The following PLCG2 variants were observed in gnomAD, a reference collection of about 807,000 sequenced individuals.
The protein encoded by PLCG2 is phospholipase C gamma 2, also known as 1-phosphatidylinositol 4,5-bisphosphate phosphodiesterase gamma-2.
In PLCG2, 69 loss-of-function variants were observed where a neutral mutation model predicts 175.6. That is an observed-to-expected ratio of 0.39 (90% confidence interval 0.32 to 0.48). The LOEUF (loss-of-function observed/expected upper bound fraction) is 0.48, where lower values mean the gene tolerates loss of function less well. Ranked by LOEUF, PLCG2 falls within the 20% of genes least tolerant of loss-of-function variation. The pLI is 0.91. For missense variants in PLCG2, 1,798 were observed against 1,650.9 expected (o/e 1.09, Z -1.54); for synonymous variants, 827 against 624.0 (o/e 1.33, Z -4.85).
At chr16:81,769,771 G>A (rs1306618074) in intron 2 of PLCG2, among the ~76,000 whole-genome samples, 3 of 134,282 alleles carry the variant, frequency 2.2e-5, no homozygotes, top group African/African-American at 8.6e-5. Flanking sequence ...AGTGAGCCGA[G>A]ATCCCGCCAC....
At chr16:81,787,535 C>CTT (rs34698199) in intron 2 of PLCG2, among the ~76,000 whole-genome samples, 76 of 141,478 alleles carry the variant, frequency 5.4e-4, no homozygotes, top group African/African-American at 8.3e-4. Context: ...GCCTTGCACT[C>CTT]TTTTTTTTTT....
At position 81,807,854 on chromosome 16, in the gene PLCG2, G is replaced by A. The variant is rs553973165; in HGVS notation, c.193+21672G>A. ...AAGCAGGAGCAAGAGAGAGAGGGAG[G>A]GAGGTGCCACATACTTTTCAACAGC... On this transcript the variant is annotated intron_variant, in intron 2 of 32. Transcript: ENST00000564138. 2.6e-5 allele frequency among the ~76,000 whole-genome samples: 4 copies of A among 152,236 alleles called. No individual in the cohort carries two copies. In the South Asian group the frequency reaches 8.3e-4, roughly 32 times the overall value.
chr16:81,884,483 A>G (rs1377954979), intron 9 of PLCG2, among the ~76,000 whole-genome samples: 2 of 151,766 alleles, frequency 1.3e-5, no homozygotes, highest in Non-Finnish European at 2.9e-5. Flanking sequence ...TCATCTTACC[A>G]GCTGCACAGC....
intron 30 of PLCG2, among the ~76,000 whole-genome samples, chr16:81,941,765 C>T (rs999432497): frequency 7.3e-5 from 11 of 150,784 alleles, no homozygotes; most frequent in African/African-American, 9.8e-5. Context: ...TGGGTGATCT[C>T]GGCTCACTGT....
At chr16:81,889,120 A>G (rs945594256) in intron 9 of PLCG2, 52 bp from the exon 10 acceptor site, 13 of 1,101,428 alleles carry the variant, frequency 1.2e-5, no homozygotes, top group African/African-American at 3.1e-5. Context: ...GGAAATGAAG[A>G]ATTTTATCAG....
intron 1 of PLCG2, among the ~76,000 whole-genome samples, chr16:81,752,496 G>C (rs1909832982): frequency 6.6e-6 from 1 of 152,182 alleles, no homozygotes; most frequent in African/African-American, 2.4e-5. Flanking sequence ...GGCGGAGCAG[G>C]CCTCCAAAAA....
At chr16:81,952,978 G>C (rs11150426) in intron 31 of PLCG2, among the ~76,000 whole-genome samples, 72,148 of 152,116 alleles carry the variant, frequency 0.47, 17,479 homozygotes, top group Admixed American at 0.56. Flanking sequence ...CCTGGAATAA[G>C]GCAGGTTGAA....
At chr16:81,880,455 A>C (rs1908023370) in intron 7 of PLCG2, among the ~76,000 whole-genome samples, 1 of 152,234 alleles carries the variant, frequency 6.6e-6, no homozygotes, top group Non-Finnish European at 1.5e-5. Context: ...GACACTTAAA[A>C]ATAATACTAG....
chr16:81,865,205 C>T (rs552683578), intron 5 of PLCG2, among the ~76,000 whole-genome samples: 1 of 152,186 alleles, frequency 6.6e-6, no homozygotes, highest in South Asian at 2.1e-4. Flanking sequence ...GAGCTGGCTG[C>T]CTTGGAAGGG....
At chr16:81,889,481 T>G in intron 10 of PLCG2, 1 of 487,042 alleles carries the variant, frequency 2.1e-6, no homozygotes, top group Non-Finnish European at 3.7e-6. Flanking sequence ...GCCCAGTGGG[T>G]TCATTTTGCC....
At chr16:81,791,621 A>T (rs146987248) in intron 2 of PLCG2, among the ~76,000 whole-genome samples, 4 of 152,068 alleles carry the variant, frequency 2.6e-5, no homozygotes, top group Non-Finnish European at 4.4e-5. Flanking sequence ...CTGGAGTGCA[A>T]TGGTGCAGCC....
intron 2 of PLCG2, among the ~76,000 whole-genome samples, chr16:81,756,535 C>T (rs1909932816): frequency 1.3e-5 from 2 of 152,130 alleles, no homozygotes; most frequent in African/African-American, 4.8e-5. Flanking sequence ...TCATCTGAAA[C>T]CAGAGCTTAT....
At chr16:81,881,021 C>T in intron 8 of PLCG2, 68 bp downstream of exon 8, 1 of 1,495,118 alleles carries the variant, frequency 6.7e-7, no homozygotes, top group Non-Finnish European at 9.3e-7. Flanking sequence ...CCCAGCCGGC[C>T]TCCAGGAGGG....
intron 2 of PLCG2, among the ~76,000 whole-genome samples, chr16:81,824,080 T>C (rs183555094): frequency 6.9e-6 from 1 of 143,958 alleles, no homozygotes; most frequent in Admixed American, 7.0e-5. Flanking sequence ...TGTCCTGTCC[T>C]GTCCTGTCCT....
chr16:81,921,784 G>T (rs896883154), intron 21 of PLCG2, among the ~76,000 whole-genome samples: 2 of 152,186 alleles, frequency 1.3e-5, no homozygotes, highest in African/African-American at 4.8e-5. Flanking sequence ...CTGTTTGGGG[G>T]CCATGTGGCA....
intron 2 of PLCG2, among the ~76,000 whole-genome samples, chr16:81,829,389 G>A (rs187339504): frequency 6.4e-4 from 97 of 152,278 alleles, no homozygotes; most frequent in African/African-American, 2.3e-3. Context: ...GATTACAGGC[G>A]TGAGCCACCG....
chr16:81,800,660 T>G (rs1911678529), intron 2 of PLCG2, among the ~76,000 whole-genome samples: 1 of 152,000 alleles, frequency 6.6e-6, no homozygotes. Context: ...ATTGTGATAC[T>G]ATTGCTATTA....
At chr16:81,827,135 A>G (rs372276511) in intron 2 of PLCG2, among the ~76,000 whole-genome samples, 1 of 151,622 alleles carries the variant, frequency 6.6e-6, no homozygotes, top group African/African-American at 2.4e-5. Context: ...ATGCCCCTCA[A>G]CGGGATGTGT....
chr16:81,816,919 C>G (rs1032354436), intron 2 of PLCG2, among the ~76,000 whole-genome samples: 2 of 152,124 alleles, frequency 1.3e-5, no homozygotes, highest in Admixed American at 6.5e-5. Flanking sequence ...CCGGTTCTGC[C>G]TCTTTCTAGC....
Sources: allele counts gnomAD v4.1 joint callset (sites outside exome capture counted in the v4.1 genomes callset), GRCh38; gene constraint gnomAD v4.1.1; transcripts MANE v1.5; gene names NCBI Gene and HGNC (gene_info 2026-07-23, HGNC 2026-07-21).